TBC1D30: variants seen among roughly 807,000 people sequenced by gnomAD.
The protein encoded by TBC1D30 is TBC1 domain family member 30.
A neutral mutation model predicts 63.2 loss-of-function variants in TBC1D30; 31 were observed. The observed-to-expected ratio is 0.49, with a 90% confidence interval of 0.37 to 0.66. The LOEUF (loss-of-function observed/expected upper bound fraction) is 0.66, where lower values mean the gene tolerates loss of function less well. Among genes scored for constraint, TBC1D30 ranks in the 30% least tolerant of loss-of-function variants. The pLI is 0.00. For synonymous variants in TBC1D30, 307 were observed against 361.5 expected (o/e 0.85, Z 1.71); for missense variants, 810 against 953.6 (o/e 0.85, Z 1.98).
At chr12:64,763,236 G>A (rs1191662254) in intron 1 of TBC1D30, among the ~76,000 whole-genome samples, 1 of 152,198 alleles carries the variant, frequency 6.6e-6, no homozygotes, top group African/African-American at 2.4e-5. Flanking sequence ...GATTATAGGC[G>A]TGAGTTTTAT....
rs1223550351 is a variant in TBC1D30 at position 64,790,999 on chromosome 12, C to T, written c.643+4954C>T. On this transcript the variant is annotated intron_variant, in intron 2 of 12. Coordinates refer to the TBC1D30 transcript ENST00000542120. ...ACTTGTACAAAAATGTTCATAGCAG[C>T]ATTGTTTATAATAGCCAAAAAGTAG... is the stretch of plus-strand genomic sequence containing the variant. Among the ~76,000 whole-genome samples the T allele has an allele frequency of 3.9e-5, 6 of 152,160 alleles. 1 individual carries two copies. The highest frequency in any genetic ancestry group is 1.4e-4 in the African/African-American group (6 of 41,440).
intron 2 of TBC1D30, among the ~76,000 whole-genome samples, chr12:64,803,591 TG>T (rs1159990422): frequency 1.4e-4 from 21 of 152,230 alleles, no homozygotes; most frequent in African/African-American, 4.8e-4. Flanking sequence ...TGTTCTGAAT[TG>T]TATTGGCTAG....
intron 1 of TBC1D30, among the ~76,000 whole-genome samples, chr12:64,766,199 G>A (rs1203527623): frequency 1.3e-5 from 2 of 152,136 alleles, no homozygotes; most frequent in African/African-American, 4.8e-5. Context: ...CAGGGCCCTT[G>A]TGACCTGTGA....
In TBC1D30 at chr12:64,879,011, C is replaced by G. The variant is rs893571289; in HGVS notation, c.*3223C>G. 1.3e-5 allele frequency: 2 copies of G among 152,514 alleles called. No homozygotes were observed. The highest frequency in any genetic ancestry group is 1.3e-4 in the Admixed American group (2 of 15,332). 9.4% of individuals were successfully genotyped at this position (152,514 alleles called of 1,614,324 possible). The stretch of plus-strand genomic sequence containing the variant: ...TTGCTGCCATCTCCCCATATAAAAA[C>G]TCTCTTTACATCGTTTCTGAGCCAC... On this transcript the variant is annotated 3_prime_UTR_variant, in exon 12 of 12. Transcript: ENST00000539867.
intron 1 of TBC1D30, among the ~76,000 whole-genome samples, chr12:64,826,604 A>G (rs955066546): frequency 2.6e-5 from 4 of 152,064 alleles, no homozygotes; most frequent in African/African-American, 7.2e-5. Context: ...TCACCGTTCT[A>G]TGTTTGGGCA....
intron 8 of TBC1D30, among the ~76,000 whole-genome samples, chr12:64,856,371 A>G (rs2072422198): frequency 6.6e-6 from 1 of 152,234 alleles, no homozygotes; most frequent in Admixed American, 6.5e-5. Flanking sequence ...TATCCAAATT[A>G]TCACCAGGTA....
chr12:64,821,416 T>C (rs144315391), upstream of TBC1D30, among the ~76,000 whole-genome samples: 5 of 152,302 alleles, frequency 3.3e-5, no homozygotes, highest in Non-Finnish European at 4.4e-5. Context: ...ACAGAGCTGA[T>C]TGCTTGTCCT....
At chr12:64,874,706 T>TAA (rs950874926) in intron 11 of TBC1D30, among the ~76,000 whole-genome samples, 1 of 147,722 alleles carries the variant, frequency 6.8e-6, no homozygotes, top group Non-Finnish European at 1.5e-5. Flanking sequence ...GAGCTCTCTG[T>TAA]AAAAAAAAAA....
chr12:64,781,101 C>T (rs1592533349), exon 1 of TBC1D30: 1 of 1,003,690 alleles, frequency 1.0e-6, no homozygotes, highest in Non-Finnish European at 1.2e-6. Flanking sequence ...GAGGAGGAGG[C>T]GGCGGGCGGG....
intron 8 of TBC1D30, among the ~76,000 whole-genome samples, chr12:64,848,481 G>A (rs543226616): frequency 6.6e-6 from 1 of 152,132 alleles, no homozygotes; most frequent in African/African-American, 2.4e-5. Flanking sequence ...GTGTCCATGT[G>A]TTCTCATTGT....
chr12:64,836,065 G>A (rs1295797518), intron 5 of TBC1D30, among the ~76,000 whole-genome samples: 1 of 152,166 alleles, frequency 6.6e-6, no homozygotes, highest in East Asian at 1.9e-4. Context: ...TTCAGTGGGG[G>A]TGTTTTATGA....
rs528648981 is a variant in TBC1D30, at chr12:64,872,706, C to T, written c.1498+1898C>T. Among the ~76,000 whole-genome samples, 41 of 152,254 alleles carry T rather than the reference C, an allele frequency of 2.7e-4. No homozygotes were observed. In the Middle Eastern group the frequency reaches 0.01, roughly 38 times the overall value. On this transcript the variant is annotated intron_variant, in intron 11 of 11. Transcript: ENST00000539867. Reference sequence around the variant, plus strand: ...TTTCACACTGCAAATAAAGACATACCTGAGACTAGGCAATTTATAAGAGGC... The same window carrying T: ...TTTCACACTGCAAATAAAGACATACTTGAGACTAGGCAATTTATAAGAGGC...
chr12:64,856,250 A>T (rs1227624333), intron 8 of TBC1D30, among the ~76,000 whole-genome samples: 1 of 152,224 alleles, frequency 6.6e-6, no homozygotes, highest in Non-Finnish European at 1.5e-5. Context: ...CACCAAGGGA[A>T]TGGCTCAAGC....
chr12:64,805,354 T>G (rs1290025083), intron 2 of TBC1D30, among the ~76,000 whole-genome samples: 1 of 152,232 alleles, frequency 6.6e-6, no homozygotes, highest in African/African-American at 2.4e-5. Flanking sequence ...TTGTTGTTGT[T>G]TCTAGAAAAG....
At chr12:64,800,060 C>T (rs571739153) in intron 2 of TBC1D30, among the ~76,000 whole-genome samples, 23 of 152,210 alleles carry the variant, frequency 1.5e-4, no homozygotes, top group Non-Finnish European at 2.8e-4. Context: ...GAGCTGAGAT[C>T]GCGTCATTAC....
chr12:64,823,906 C>G (rs1288656994), upstream of TBC1D30, among the ~76,000 whole-genome samples: 1 of 152,148 alleles, frequency 6.6e-6, no homozygotes, highest in Non-Finnish European at 1.5e-5. Flanking sequence ...CCACGATGTT[C>G]CTTCTCCTAT....
At chr12:64,767,408 G>A (rs1270891528) in intron 1 of TBC1D30, among the ~76,000 whole-genome samples, 2 of 152,022 alleles carry the variant, frequency 1.3e-5, no homozygotes, top group African/African-American at 2.4e-5. Flanking sequence ...TAGTCCTGAC[G>A]CTGTGGCCAT....
chr12:64,793,996 AGTTTTTG>A (rs1379364787), intron 2 of TBC1D30, among the ~76,000 whole-genome samples: 4 of 152,112 alleles, frequency 2.6e-5, no homozygotes, highest in Admixed American at 2.6e-4. Flanking sequence ...TTGTGAAGTA[AGTTTTTG>A]GTAACTGTGC....
intron 10 of TBC1D30, among the ~76,000 whole-genome samples, chr12:64,870,239 A>C (rs182254601): frequency 6.6e-6 from 1 of 152,338 alleles, no homozygotes; most frequent in East Asian, 1.9e-4. Flanking sequence ...TTGTGTGGAA[A>C]TCTGTACAGT....
Sources: allele counts gnomAD v4.1 joint callset (sites outside exome capture counted in the v4.1 genomes callset), GRCh38; gene constraint gnomAD v4.1.1; transcripts MANE v1.5; gene names NCBI Gene and HGNC (gene_info 2026-07-23, HGNC 2026-07-21).